The following PSMA2 variants were observed in gnomAD, a reference collection of about 807,000 sequenced individuals.
The protein encoded by PSMA2 is proteasome 20S subunit alpha 2, also known as proteasome subunit alpha type-2.
In PSMA2, 2 loss-of-function variants were observed where a neutral mutation model predicts 35.9. The ratio of observed to expected loss-of-function variants is 0.06; its 90% CI spans 0.02 to 0.18. The LOEUF (loss-of-function observed/expected upper bound fraction) is 0.18. PSMA2 is among the 10% of genes least tolerant of loss of function. The pLI, the probability that PSMA2 is intolerant of heterozygous loss-of-function variation, is 1.00. For missense variants in PSMA2, 126 were observed against 278.8 expected (o/e 0.45, Z 3.90); for synonymous variants, 97 against 98.2 (o/e 0.99, Z 0.07).
In PSMA2 at chr7:42,921,828, AAAG is replaced by A. The variant is rs764189067; in HGVS notation, c.530+27_530+29del. ...CCAAAAACCATAAAGTGAGTTTGCT[AAAG>A]AATGCAGTTACAATGAGTAGGCCTA... On this transcript the variant is annotated intron_variant, in intron 6 of 7. Coordinates refer to ENST00000223321, the MANE Select transcript of PSMA2 (RefSeq NM_002787.5). 18 of 1,570,300 alleles carry A rather than the reference AAAG, an allele frequency of 1.1e-5. No homozygotes were observed. The East Asian group carries it at 3.8e-4, about 33-fold the overall frequency.
At chr7:42,922,094 G>T (rs1325998795) in intron 5 of PSMA2, among the ~76,000 whole-genome samples, 163 bp from the exon 6 acceptor site, 1 of 152,114 alleles carries the variant, frequency 6.6e-6, no homozygotes. Flanking sequence ...TTTTAAGAAG[G>T]CTAGAAGGAT....
chr7:42,931,658 G>C (rs1786315019), intron 1 of PSMA2, among the ~76,000 whole-genome samples: 2 of 152,262 alleles, frequency 1.3e-5, no homozygotes, highest in African/African-American at 4.8e-5. Flanking sequence ...TGGAGACCAA[G>C]ACTCCGACTT....
intron 5 of PSMA2, 126 bp downstream of exon 5, chr7:42,923,199 C>T (rs1786154034): frequency 1.3e-6 from 1 of 751,398 alleles, no homozygotes; most frequent in African/African-American, 1.8e-5. Flanking sequence ...CAACCTCATA[C>T]TTTCTAAAGC....
At position 42,921,962 on chromosome 7, in the gene PSMA2, A is replaced by T. The variant is rs1264560157; in HGVS notation, c.457-31T>A. On this transcript the variant is annotated intron_variant, in intron 5 of 7. Transcript: ENST00000223321. ...CAGGAAAGAAAGAGTAAAAAACCAT[A>T]TTTTAAAACACAAATACAATTATAT... is the stretch of plus-strand genomic sequence containing the variant. 1.9e-6 allele frequency: 3 copies of T among 1,538,642 alleles called. No individual in the cohort carries two copies. The African/African-American group carries it at 4.1e-5, about 21-fold the overall frequency.
chr7:42,921,572 C>T (rs2128673775), intron 6 of PSMA2: 2 of 247,280 alleles, frequency 8.1e-6, no homozygotes, highest in Non-Finnish European at 1.5e-5. Flanking sequence ...TTTTTCCCTC[C>T]TGAAATGGCA....
intron 4 of PSMA2, among the ~76,000 whole-genome samples, chr7:42,924,336 A>G (rs2128674185): frequency 6.9e-6 from 1 of 144,456 alleles, no homozygotes; most frequent in African/African-American, 2.6e-5. Context: ...CCTGGGCGAC[A>G]GAGTGAGACT....
intron 6 of PSMA2, chr7:42,920,878 C>T (rs671926): frequency 0.99 from 150,521 of 152,338 alleles, 74,393 homozygotes; most frequent in East Asian, 1. Flanking sequence ...GAGGTCATTA[C>T]GTTAAGCAAA....
At chr7:42,919,444 C>A in intron 6 of PSMA2, 1 of 543,272 alleles carries the variant, frequency 1.8e-6, no homozygotes, top group Non-Finnish European at 3.7e-6. Flanking sequence ...AAACCCGAAG[C>A]AGAACCTGAG....
intron 3 of PSMA2, among the ~76,000 whole-genome samples, chr7:42,926,252 G>A (rs1786215505): frequency 6.6e-6 from 1 of 152,188 alleles, no homozygotes; most frequent in South Asian, 2.1e-4. Flanking sequence ...CCAGTTCCTG[G>A]ATAGTAGAAG....
At chr7:42,924,587 G>T (rs1012634200) in intron 4 of PSMA2, 88 bp downstream of exon 4, 1 of 1,300,476 alleles carries the variant, frequency 7.7e-7, no homozygotes, top group Non-Finnish European at 1.0e-6. Context: ...TACAGAAATG[G>T]TAAGTCCCAC....
At position 42,924,754 on chromosome 7, in the gene PSMA2, G is replaced by T. The variant is rs749412007; in HGVS notation, c.295C>A (p.Leu99Ile). Reference protein sequence around the residue: ...RARKLAQQYYLVYQEPIPTAQ... With the variant: ...RARKLAQQYYIVYQEPIPTAQ... ...GTAGGAATGGGTTCTTGGTACACAAGATAGTATTGTTGAGCTAGTTTTCGA... is the reference window on the plus strand; with the variant it reads ...GTAGGAATGGGTTCTTGGTACACAATATAGTATTGTTGAGCTAGTTTTCGA... Residue 99 changes from leucine to isoleucine, a missense_variant, in exon 4 of 8, where the codon CTT becomes ATT. By Grantham distance (5) the Leu-to-Ile change is conservative. Around this residue, in one of 3 missense-constraint regions of PSMA2, gnomAD observed 78 missense variants for 151.1 expected, o/e 0.52. Coordinates refer to ENST00000223321, the MANE Select transcript of PSMA2 (RefSeq NM_002787.5). The T allele has an allele frequency of 6.2e-6, 10 of 1,613,102 alleles. No individual in the cohort carries two copies. The highest frequency in any genetic ancestry group is 6.8e-6 in the Non-Finnish European group (8 of 1,179,312).
intron 1 of PSMA2, among the ~76,000 whole-genome samples, chr7:42,928,009 G>T (rs1046160487): frequency 6.6e-6 from 1 of 151,918 alleles, no homozygotes; most frequent in African/African-American, 2.4e-5. Context: ...TTTTTTGTCT[G>T]CCACATGGAG....
chr7:42,928,144 G>C (rs1786242329), intron 1 of PSMA2, among the ~76,000 whole-genome samples: 1 of 152,162 alleles, frequency 6.6e-6, no homozygotes, highest in Non-Finnish European at 1.5e-5. Flanking sequence ...GCTGACTACA[G>C]GACTTGAATA....
chr7:42,919,617 T>C (rs1786094013), intron 6 of PSMA2: 2 of 565,390 alleles, frequency 3.5e-6, no homozygotes, highest in Non-Finnish European at 6.9e-6. Flanking sequence ...GTATGGAATA[T>C]ATTTCTGAGG....
chr7:42,919,109 C>A (rs1583604892), intron 6 of PSMA2: 3 of 414,758 alleles, frequency 7.2e-6, no homozygotes, highest in Non-Finnish European at 1.4e-5. Context: ...CAGGCGTGAG[C>A]CACTGCGCCT....
intron 6 of PSMA2, chr7:42,920,626 T>G (rs1253849280): frequency 6.6e-6 from 1 of 152,204 alleles, no homozygotes; most frequent in Non-Finnish European, 1.5e-5. Context: ...ACATATCATG[T>G]AATAACAATG....
chr7:42,924,626 A>G, intron 4 of PSMA2, 49 bp downstream of exon 4: 1 of 1,569,006 alleles, frequency 6.4e-7, no homozygotes. Flanking sequence ...CTTTAAAATA[A>G]CTTCCCCCTA....
chr7:42,928,923 T>A lies in PSMA2; in HGVS notation c.42-1464A>T, dbSNP rs187958636. Among the ~76,000 whole-genome samples, 12 of 152,302 alleles carry A rather than the reference T, an allele frequency of 7.9e-5. No homozygotes were observed. The East Asian group carries it at 2.1e-3, about 27-fold the overall frequency. On this transcript the variant is annotated intron_variant, in intron 1 of 7. Transcript: ENST00000223321. ...AAGATTAAGTTGAATACCTATTCAC[T>A]GATGCCTGTGATGTCCTGCACTTCC...
intron 2 of PSMA2, 65 bp downstream of exon 2, chr7:42,927,318 A>G: frequency 7.1e-7 from 1 of 1,414,862 alleles, no homozygotes; most frequent in Non-Finnish European, 9.9e-7. Context: ...TTAATTACTA[A>G]TGAATTCCAA....
Sources: gnomAD v4.1 joint callset for allele counts (sites outside exome capture counted in the v4.1 genomes callset) on GRCh38, gnomAD v4.1.1 for gene constraint, gnomAD v4.1.1 regional missense constraint, MANE v1.5 for transcripts, NCBI Gene and HGNC (gene_info 2026-07-23, HGNC 2026-07-21) for gene names.